The following NOC3L variants were observed in gnomAD, a reference collection of about 807,000 sequenced individuals.
NOC3L encodes the protein nucleolar complex protein 3 homolog.
A neutral mutation model predicts 102.5 loss-of-function variants in NOC3L; 85 were observed. The observed-to-expected ratio is 0.83, with a 90% CI of 0.70 to 0.99. The LOEUF is 0.99. Among genes scored for constraint, NOC3L ranks in the 50% least tolerant of loss-of-function variants. The pLI is 0.00. For missense variants in NOC3L, 878 were observed against 914.9 expected, an observed-to-expected ratio of 0.96 and a Z score of 0.52; for synonymous variants, 303 against 309.4, an observed-to-expected ratio of 0.98 and a Z score of 0.22.
downstream of NOC3L, chr10:94,329,364 TTCTTC>T (rs2054129046): frequency 6.6e-6 from 1 of 152,204 alleles, no homozygotes; most frequent in African/African-American, 2.4e-5. Context: ...TAAGACACTT[TTCTTC>T]AAATTACAAA....
At chr10:94,357,525 A>T (rs1182278881) in intron 3 of NOC3L, 194 bp from the exon 4 acceptor site, 9 of 395,268 alleles carry the variant, frequency 2.3e-5, no homozygotes, top group Non-Finnish European at 3.1e-5. Flanking sequence ...TAAACAACCT[A>T]CCATACAAAC....
At chr10:94,329,970 A>G (rs1034178918), downstream of NOC3L, 1 of 152,088 alleles carries the variant, frequency 6.6e-6, no homozygotes, top group Non-Finnish European at 1.5e-5. Flanking sequence ...CAAATGCACA[A>G]TGCTGCTCCA....
At position 94,334,285 on chromosome 10, in the gene NOC3L, AT is replaced by A; in HGVS notation, c.2294del (p.Asp765ValfsTer4). 6.2e-7 allele frequency: 1 copy of A among 1,605,316 alleles called. No individual in the cohort carries two copies. The highest frequency in any genetic ancestry group is 8.5e-7 in the Non-Finnish European group (1 of 1,173,764). On this transcript the variant is annotated frameshift_variant, in exon 21 of 21. Transcript: ENST00000371361. LOFTEE classifies it high-confidence loss of function. ...PKIKGKFLQG[D>X]SFLNEDLNQL... ...GATTTAAATCTTCATTCAAAAATGA[AT>A]CCCCTTGTAAAAATTTACCCTAGGA... is the stretch of plus-strand genomic sequence containing the variant.
At position 94,341,746 on chromosome 10, in the gene NOC3L, C is replaced by T. The variant is rs751448589; in HGVS notation, c.1572-1G>A. 1.3e-6 allele frequency: 2 copies of T among 1,534,528 alleles called. No individual in the cohort carries two copies. Among genetic ancestry groups the T allele is most frequent in the South Asian group, 1.3e-5 (1 of 75,652 alleles). On this transcript the variant is annotated splice_acceptor_variant, in intron 13 of 20. Transcript: ENST00000371361. LOFTEE classifies it high-confidence loss of function. ...TTCCACATTTATAAGGTGAGCAAAC[C>T]TGGAATCAAACAAAACAGTTAATCA...
At chr10:94,338,576 C>A in intron 18 of NOC3L, 32 bp downstream of exon 18, 1 of 1,463,250 alleles carries the variant, frequency 6.8e-7, no homozygotes, top group South Asian at 1.6e-5. Flanking sequence ...CACAAACATC[C>A]CCAAAAAGAA....
At chr10:94,316,590 A>G in the NOC3L span, 6 of 1,609,642 alleles carry the variant, frequency 3.7e-6, no homozygotes, top group Non-Finnish European at 5.1e-6. Flanking sequence ...ACCACAGACT[A>G]TTTTTTGATG....
In NOC3L at chr10:94,334,733, C is replaced by A. The variant is rs1554921876; in HGVS notation, c.2190-15G>T. On this transcript the variant is annotated splice_polypyrimidine_tract_variant and intron_variant, in intron 19 of 20. Coordinates refer to ENST00000371361, the MANE Select transcript of NOC3L (RefSeq NM_022451.11). ...CAGTAGCAGATCTAAATCACAAACA[C>A]AAAAAATGTAAAGATACCACCACAT... 6.4e-7 allele frequency: 1 copy of A among 1,574,126 alleles called. No homozygotes were observed. Among genetic ancestry groups the A allele is most frequent in the Non-Finnish European group, 8.7e-7 (1 of 1,148,838 alleles).
At chr10:94,324,270 C>T in the NOC3L span, 2 of 1,162,532 alleles carry the variant, frequency 1.7e-6, no homozygotes, top group Admixed American at 3.4e-5. Flanking sequence ...CATTTTTCCA[C>T]CTTAAAGTTT....
intron 14 of NOC3L, among the ~76,000 whole-genome samples, chr10:94,341,453 G>A (rs1405541207): frequency 3.3e-5 from 5 of 149,962 alleles, no homozygotes; most frequent in African/African-American, 1.2e-4. Flanking sequence ...AAAGAAAACA[G>A]GTCAGACAAC....
chr10:94,360,879 G>A (rs2054544868), intron 2 of NOC3L, among the ~76,000 whole-genome samples: 1 of 151,942 alleles, frequency 6.6e-6, no homozygotes, highest in Non-Finnish European at 1.5e-5. Context: ...GGGTGCTGTG[G>A]CTCACCCTTG....
chr10:94,328,844 T>C (rs1046372041), downstream of NOC3L: 1 of 152,200 alleles, frequency 6.6e-6, no homozygotes, highest in Non-Finnish European at 1.5e-5. Context: ...TGCTTAATCA[T>C]AGATTAGATT....
At chr10:94,336,434 G>A (rs1248064955) in intron 19 of NOC3L, among the ~76,000 whole-genome samples, 4 of 151,236 alleles carry the variant, frequency 2.6e-5, no homozygotes, top group South Asian at 2.1e-4. Flanking sequence ...TGCAATCTCC[G>A]CCTCCCGGGT....
At chr10:94,318,541 A>G in the NOC3L span, among the ~76,000 whole-genome samples, 1 of 152,232 alleles carries the variant, frequency 6.6e-6, no homozygotes, top group East Asian at 1.9e-4. Context: ...AGTAGAAAGA[A>G]CTCAAGTCTA....
At chr10:94,343,267 G>A (rs1309735166) in intron 13 of NOC3L, among the ~76,000 whole-genome samples, 4 of 151,878 alleles carry the variant, frequency 2.6e-5, no homozygotes, top group South Asian at 2.1e-4. Flanking sequence ...TAGCTGGGTC[G>A]AGCATGGTGG....
chr10:94,333,963 G>GAGAA lies in NOC3L; in HGVS notation c.*210_*213dup, dbSNP rs1259279189. Reference sequence around the variant, plus strand: ...AAGAAAGTAATTTCCAAATACTGGGGAGAAAAAAAGGCTTTTGATCTCCTT... The same window carrying GAGAA: ...AAGAAAGTAATTTCCAAATACTGGGGAGAAAGAAAAAAAGGCTTTTGATCTCCTT... On this transcript the variant is annotated 3_prime_UTR_variant, in exon 21 of 21. Transcript: ENST00000371361. 8.7e-6 allele frequency: 3 copies of GAGAA among 345,074 alleles called. No homozygotes were observed. In the Admixed American group the frequency reaches 1.4e-4, roughly 16 times the overall value. The allele number at this position is 345,074 out of a possible 1,614,324, so 21.4% of individuals were successfully genotyped here.
intron 8 of NOC3L, 133 bp from the exon 9 acceptor site, chr10:94,350,421 A>T: frequency 1.3e-6 from 1 of 769,814 alleles, no homozygotes; most frequent in Admixed American, 2.3e-5. Context: ...TTAAAAAAAG[A>T]CTTCATATGC....
chr10:94,328,771 A>ATAT (rs2133959716), downstream of NOC3L: 1 of 152,326 alleles, frequency 6.6e-6, no homozygotes, highest in Non-Finnish European at 1.5e-5. Context: ...TATAGAAATA[A>ATAT]TATTGGGTTT....
In NOC3L at chr10:94,354,861, T is replaced by G. The variant is rs1016335573; in HGVS notation, c.696+102A>C. On this transcript the variant is annotated intron_variant, in intron 6 of 20. Transcript: ENST00000371361. ...CCCAGCTACTATGTTTAGTTAATGC[T>G]TTTCCTTTTAGTGTATGCTTATAGG... The G allele has an allele frequency of 8.5e-6, 10 of 1,174,294 alleles. No homozygotes were observed. The African/African-American group carries it at 1.5e-4, about 18-fold the overall frequency. The allele number at this position is 1,174,294 out of a possible 1,614,324, so 72.7% of individuals were successfully genotyped here.
At chr10:94,353,499 A>C (rs2054447581) in intron 6 of NOC3L, among the ~76,000 whole-genome samples, 1 of 152,146 alleles carries the variant, frequency 6.6e-6, no homozygotes, top group Non-Finnish European at 1.5e-5. Context: ...CAGAGTGAGA[A>C]GTCACTTGTT....
Sources: allele counts gnomAD v4.1 joint callset (sites outside exome capture counted in the v4.1 genomes callset), GRCh38; gene constraint gnomAD v4.1.1; transcripts MANE v1.5; gene names NCBI Gene and HGNC (gene_info 2026-07-23, HGNC 2026-07-21).